The following NUP133 variants were observed in gnomAD, a reference collection of about 807,000 sequenced individuals.
The protein encoded by NUP133 is nuclear pore complex protein Nup133.
NUP133 carries 66 observed loss-of-function variants against 146.2 expected under a neutral mutation model. The ratio of observed to expected loss-of-function variants is 0.45; its 90% CI spans 0.37 to 0.55. The LOEUF (loss-of-function observed/expected upper bound fraction) is 0.55. Ranked by LOEUF, NUP133 falls within the 20% of genes least tolerant of loss-of-function variation. NUP133 has a pLI of 0.00. For synonymous variants in NUP133, 521 were observed against 498.8 expected (o/e 1.04, Z -0.59); for missense variants, 1,277 against 1,374.8 (o/e 0.93, Z 1.12).
chr1:229,464,623 C>A lies in NUP133; in HGVS notation c.2551+1G>T. 1.2e-6 allele frequency: 2 copies of A among 1,613,534 alleles called. No individual in the cohort carries two copies. Among genetic ancestry groups the A allele is most frequent in the Non-Finnish European group, 1.7e-6 (2 of 1,179,488 alleles). ...ACTCTTGCCAAGTATCATGAACTTA[C>A]GAAGAGGAGATAAGAGATCTGATCT... On this transcript the variant is annotated splice_donor_variant, in intron 18 of 25. Coordinates refer to ENST00000261396, the MANE Select transcript of NUP133 (RefSeq NM_018230.3). LOFTEE classifies it high-confidence loss of function.
In NUP133 at chr1:229,441,420, G is replaced by C. The variant is rs1160903831; in HGVS notation, c.*484C>G. 1.1e-5 allele frequency: 6 copies of C among 532,382 alleles called. No individual in the cohort carries two copies. Among genetic ancestry groups the C allele is most frequent in the African/African-American group, 5.8e-5 (3 of 51,948 alleles). 33.0% of individuals were successfully genotyped at this position (532,382 alleles called of 1,614,324 possible). Reference sequence around the variant, plus strand: ...CCTTTGGTTTTTCATCTCATAATAAGTCAGCAAAAGTTGACATTTATCTTA... The same window carrying C: ...CCTTTGGTTTTTCATCTCATAATAACTCAGCAAAAGTTGACATTTATCTTA... On this transcript the variant is annotated 3_prime_UTR_variant, in exon 26 of 26. Transcript: ENST00000261396.
intron 14 of NUP133, among the ~76,000 whole-genome samples, chr1:229,472,403 C>A (rs1433971074): frequency 2.7e-5 from 4 of 150,856 alleles, no homozygotes; most frequent in African/African-American, 9.7e-5. Flanking sequence ...GATTGCAGCA[C>A]TGACAGTGAA....
Position 229,463,569 on chromosome 1 carries a change from G to A in NUP133, c.2659C>T (p.Arg887Cys), listed in dbSNP as rs201140125. 84 of 1,614,034 alleles carry A rather than the reference G, an allele frequency of 5.2e-5. No homozygotes were observed. Among genetic ancestry groups the A allele is most frequent in the East Asian group, 3.1e-4 (14 of 44,878 alleles). Residue 887 changes from arginine to cysteine, a missense_variant, in exon 19 of 26, where the codon CGC (arginine) becomes TGC (cysteine). Physicochemically the swap from Arg to Cys is radical, Grantham distance 180. This residue lies in a region of NUP133 where 952 missense variants were observed against 1,047.0 expected (regional missense o/e 0.91). Coordinates refer to ENST00000261396, the MANE Select transcript of NUP133 (RefSeq NM_018230.3). ...TGATCAGCAAACTGGGTCATGTAGCGCTGGAGTCGGCTCTGGTTGTCAGTC... is the reference window on the plus strand; with the variant it reads ...TGATCAGCAAACTGGGTCATGTAGCACTGGAGTCGGCTCTGGTTGTCAGTC... Reference protein sequence around the residue: ...EQTDNQSRLQRYMTQFADQNF... With the variant: ...EQTDNQSRLQCYMTQFADQNF...
intron 16 of NUP133, 79 bp downstream of exon 16, chr1:229,466,555 G>A (rs1660831845): frequency 2.0e-6 from 3 of 1,493,006 alleles, no homozygotes; most frequent in Non-Finnish European, 2.8e-6. Flanking sequence ...GCAATACAGA[G>A]TAGGAACATG....
Position 229,441,876 on chromosome 1 carries a change from C to T in NUP133, c.*28G>A. On this transcript the variant is annotated 3_prime_UTR_variant, in exon 26 of 26. Transcript: ENST00000261396. ...TATAAGGACACACTTATACAGATTT[C>T]ATAAACAATGGCCATTTTTAGAAAA... The T allele has an allele frequency of 3.3e-6, 5 of 1,536,170 alleles. No homozygotes were observed. The highest frequency in any genetic ancestry group is 4.4e-6 in the Non-Finnish European group (5 of 1,144,548).
chr1:229,500,974 C>G, intron 3 of NUP133, 111 bp from the exon 4 acceptor site: 1 of 611,428 alleles, frequency 1.6e-6, no homozygotes, highest in Non-Finnish European at 2.9e-6. Context: ...GCTGGAAACA[C>G]CATTCTACAA....
rs1054741296 is a variant in NUP133, at chr1:229,498,360, A to C, written c.649-54T>G. ...AGTTTAGCATCGAATGCTAAGATAA[A>C]ATGAAAAATTCTTTGATACAGAGAA... is the stretch of plus-strand genomic sequence containing the variant. On this transcript the variant is annotated intron_variant, in intron 5 of 25. Coordinates refer to ENST00000261396, the MANE Select transcript of NUP133 (RefSeq NM_018230.3). The C allele has an allele frequency of 1.2e-5, 16 of 1,307,542 alleles. No individual in the cohort carries two copies. The African/African-American group carries it at 2.4e-4, about 20-fold the overall frequency. The allele number at this position is 1,307,542 out of a possible 1,614,324, so 81.0% of individuals were successfully genotyped here.
chr1:229,480,671 G>A (rs1266927113), intron 12 of NUP133, among the ~76,000 whole-genome samples: 3 of 152,086 alleles, frequency 2.0e-5, no homozygotes, highest in African/African-American at 7.2e-5. Flanking sequence ...TGGGGGAAAG[G>A]GTGCTAATGG....
chr1:229,499,203 TTTTG>T, intron 5 of NUP133: 1 of 470,950 alleles, frequency 2.1e-6, no homozygotes, highest in South Asian at 1.5e-5. Context: ...CTCAGCCAGA[TTTTG>T]TTTCTTTGTG....
chr1:229,452,482 T>C (rs1292565389), intron 22 of NUP133, 43 bp downstream of exon 22: 1 of 1,496,620 alleles, frequency 6.7e-7, no homozygotes, highest in Non-Finnish European at 9.2e-7. Flanking sequence ...CCAAAAAGGT[T>C]TTGAGTTTAA....
chr1:229,504,738 T>A (rs1348749769), intron 2 of NUP133, among the ~76,000 whole-genome samples: 1 of 152,208 alleles, frequency 6.6e-6, no homozygotes, highest in Non-Finnish European at 1.5e-5. Flanking sequence ...TATACAGTAT[T>A]TCCCCCTTTT....
intron 20 of NUP133, among the ~76,000 whole-genome samples, chr1:229,459,285 G>A (rs1660639853): frequency 6.6e-6 from 1 of 152,168 alleles, no homozygotes; most frequent in African/African-American, 2.4e-5. Context: ...AACGTTGGGA[G>A]GCTGATGTGG....
intron 20 of NUP133, among the ~76,000 whole-genome samples, chr1:229,459,189 C>T (rs1027069744): frequency 6.6e-6 from 1 of 152,044 alleles, no homozygotes; most frequent in Non-Finnish European, 1.5e-5. Context: ...GTACAATACA[C>T]TATTATTAAC....
At chr1:229,505,886 T>C (rs928027675) in intron 2 of NUP133, among the ~76,000 whole-genome samples, 154 bp downstream of exon 2, 13 of 152,002 alleles carry the variant, frequency 8.6e-5, no homozygotes, top group Admixed American at 5.2e-4. Context: ...AGACTCTGTC[T>C]CGAAAAAATA....
At chr1:229,466,598 C>CT (rs1424329036) in intron 16 of NUP133, 36 bp downstream of exon 16, 2 of 1,612,110 alleles carry the variant, frequency 1.2e-6, no homozygotes, top group East Asian at 4.5e-5. Context: ...ATGCCCTGGG[C>CT]TTTGATTTGC....
chr1:229,496,429 G>A (rs1448100897), intron 6 of NUP133, among the ~76,000 whole-genome samples: 9 of 152,074 alleles, frequency 5.9e-5, no homozygotes, highest in African/African-American at 1.7e-4. Flanking sequence ...AGCCGAGATC[G>A]CACCACTGCA....
At chr1:229,505,066 T>C (rs1661899527) in intron 2 of NUP133, among the ~76,000 whole-genome samples, 1 of 152,200 alleles carries the variant, frequency 6.6e-6, no homozygotes, top group Non-Finnish European at 1.5e-5. Flanking sequence ...TTTTAGCTCA[T>C]CAGCTATCGT....
intron 13 of NUP133, 37 bp from the exon 14 acceptor site, chr1:229,475,769 G>T: frequency 6.8e-7 from 1 of 1,479,168 alleles, no homozygotes; most frequent in Non-Finnish European, 9.5e-7. Flanking sequence ...GAACATAGTG[G>T]TTTTACAACT....
At position 229,481,802 on chromosome 1, in the gene NUP133, C is replaced by T. The variant is rs6688637; in HGVS notation, c.1592+2252G>A. ...AAACCAAGGATTGCTAGCAGCCACC[C>T]GGAGCTGAGAGAGGTGAAGACAGAT... is the stretch of plus-strand genomic sequence containing the variant. On this transcript the variant is annotated intron_variant, in intron 12 of 25. Coordinates refer to ENST00000261396, the MANE Select transcript of NUP133 (RefSeq NM_018230.3). Among the ~76,000 whole-genome samples, 391 of 152,200 alleles carry T rather than the reference C, an allele frequency of 2.6e-3. 2 individuals are homozygous for T. Among genetic ancestry groups the T allele is most frequent in the African/African-American group, 8.7e-3 (361 of 41,522 alleles).
Sources: gnomAD v4.1 joint callset for allele counts (sites outside exome capture counted in the v4.1 genomes callset) on GRCh38, gnomAD v4.1.1 for gene constraint, gnomAD v4.1.1 regional missense constraint, MANE v1.5 for transcripts, NCBI Gene and HGNC (gene_info 2026-07-23, HGNC 2026-07-21) for gene names.